FOXP2: variants seen among roughly 807,000 people sequenced by gnomAD.
FOXP2 encodes the protein forkhead box protein P2.
A neutral mutation model predicts 115.8 loss-of-function variants in FOXP2; 12 were observed. The ratio of observed to expected loss-of-function variants is 0.10; its 90% confidence interval spans 0.07 to 0.17. The LOEUF (loss-of-function observed/expected upper bound fraction) is 0.17. Among genes scored for constraint, FOXP2 ranks in the 10% least tolerant of loss-of-function variants. FOXP2 has a pLI of 1.00. For synonymous variants in FOXP2, 328 were observed against 297.7 expected (o/e 1.10, Z -1.05); for missense variants, 629 against 843.5 (o/e 0.75, Z 3.15).
chr7:114,106,653 G>A (rs987191062), intron 1 of FOXP2, among the ~76,000 whole-genome samples: 13 of 151,832 alleles, frequency 8.6e-5, no homozygotes, highest in African/African-American at 1.9e-4. Context: ...TTTAGATGTC[G>A]GATACTGTCT....
chr7:114,488,538 C>A (rs1276785833), intron 2 of FOXP2, among the ~76,000 whole-genome samples: 4 of 152,096 alleles, frequency 2.6e-5, no homozygotes, highest in Non-Finnish European at 5.9e-5. Context: ...AGGATTATAA[C>A]AATATACAAC....
At chr7:114,437,374 T>C (rs1006191989) in intron 2 of FOXP2, among the ~76,000 whole-genome samples, 9 of 152,224 alleles carry the variant, frequency 5.9e-5, no homozygotes, top group Non-Finnish European at 1.2e-4. Flanking sequence ...CAAGTGTACA[T>C]GGAGCAGCGC....
At chr7:114,140,354 A>C (rs1792172209) in intron 1 of FOXP2, among the ~76,000 whole-genome samples, 1 of 152,168 alleles carries the variant, frequency 6.6e-6, no homozygotes, top group Non-Finnish European at 1.5e-5. Context: ...TCTGCCTAGA[A>C]AAAAATGTGT....
intron 1 of FOXP2, among the ~76,000 whole-genome samples, chr7:114,224,704 T>A (rs577890556): frequency 7.6e-4 from 116 of 152,230 alleles, no homozygotes; most frequent in African/African-American, 2.7e-3. Context: ...CCTTTTTTTT[T>A]AAGAGGCTCT....
At chr7:114,509,884 A>C (rs1230839744) in intron 2 of FOXP2, among the ~76,000 whole-genome samples, 1 of 151,800 alleles carries the variant, frequency 6.6e-6, no homozygotes, top group Non-Finnish European at 1.5e-5. Flanking sequence ...ATTAATGAAG[A>C]GTTGAGAGGG....
intron 1 of FOXP2, among the ~76,000 whole-genome samples, chr7:114,267,320 C>T (rs1795918056): frequency 1.3e-5 from 2 of 152,142 alleles, no homozygotes; most frequent in Admixed American, 6.5e-5. Context: ...ATTCAAAGAA[C>T]ATCTTCCATT....
intron 2 of FOXP2, among the ~76,000 whole-genome samples, chr7:114,329,644 TTTTATTTATTTA>T (rs138684494): frequency 0.018 from 2,623 of 147,510 alleles, 43 homozygotes; most frequent in East Asian, 0.046. Flanking sequence ...ACTATGTAAG[TTTTATTTATTTA>T]TTTATTTATT....
intron 1 of FOXP2, among the ~76,000 whole-genome samples, chr7:114,242,207 G>A (rs1795174312): frequency 6.6e-6 from 1 of 151,470 alleles, no homozygotes; most frequent in Non-Finnish European, 1.5e-5. Context: ...TTGGTTTGAA[G>A]GACAGAAGAA....
chr7:114,172,871 G>T (rs980676652), intron 1 of FOXP2, among the ~76,000 whole-genome samples: 7 of 151,870 alleles, frequency 4.6e-5, no homozygotes, highest in Non-Finnish European at 1.0e-4. Flanking sequence ...TAAAAACATA[G>T]AATTTAAAAA....
intron 2 of FOXP2, among the ~76,000 whole-genome samples, chr7:114,330,232 T>A (rs1481694427): frequency 6.6e-6 from 1 of 152,092 alleles, no homozygotes; most frequent in Non-Finnish European, 1.5e-5. Context: ...TATTTATGCA[T>A]CTACTTCTTT....
At chr7:114,234,713 C>G (rs1381703855) in intron 1 of FOXP2, among the ~76,000 whole-genome samples, 2 of 152,182 alleles carry the variant, frequency 1.3e-5, no homozygotes, top group Non-Finnish European at 2.9e-5. Flanking sequence ...TCAACTCTGC[C>G]CTTTATTCGT....
intron 2 of FOXP2, among the ~76,000 whole-genome samples, chr7:114,334,755 A>G (rs1797800450): frequency 1.3e-5 from 2 of 151,302 alleles, no homozygotes; most frequent in South Asian, 2.1e-4. Flanking sequence ...GATTTTTGTC[A>G]ATTAAGATAA....
intron 1 of FOXP2, among the ~76,000 whole-genome samples, chr7:114,421,930 C>A (rs1830199): frequency 0.033 from 5,024 of 151,748 alleles, 250 homozygotes; most frequent in African/African-American, 0.11. Flanking sequence ...AGTTTTAAAT[C>A]ACAGTCAAGT....
chr7:114,610,365 C>T (rs1803563200), intron 3 of FOXP2, among the ~76,000 whole-genome samples: 1 of 152,108 alleles, frequency 6.6e-6, no homozygotes, highest in Non-Finnish European at 1.5e-5. Flanking sequence ...AATAAATTTA[C>T]ATTACTTTTT....
At chr7:114,260,861 C>G (rs538953066) in intron 1 of FOXP2, among the ~76,000 whole-genome samples, 28 of 151,802 alleles carry the variant, frequency 1.8e-4, no homozygotes, top group African/African-American at 6.3e-4. Context: ...AAAATATTCC[C>G]AGGCAATTAA....
chr7:114,167,373 T>C (rs1176802112), intron 1 of FOXP2, among the ~76,000 whole-genome samples: 1 of 152,210 alleles, frequency 6.6e-6, no homozygotes, highest in Non-Finnish European at 1.5e-5. Flanking sequence ...AGGCATATGC[T>C]ATTTTGTGGT....
chr7:114,651,381 TATTACAA>T (rs1262761549), intron 8 of FOXP2, among the ~76,000 whole-genome samples: 1 of 152,046 alleles, frequency 6.6e-6, no homozygotes, highest in Non-Finnish European at 1.5e-5. Context: ...AGACATTATG[TATTACAA>T]ATTACAGAGT....
intron 1 of FOXP2, among the ~76,000 whole-genome samples, chr7:114,124,419 A>G (rs566812363): frequency 6.6e-4 from 101 of 152,168 alleles, no homozygotes; most frequent in African/African-American, 2.4e-3. Flanking sequence ...TTTAAAATTC[A>G]AATTCTTTTT....
chr7:114,496,389 T>C (rs1005766477), intron 2 of FOXP2, among the ~76,000 whole-genome samples: 5 of 152,132 alleles, frequency 3.3e-5, no homozygotes, highest in African/African-American at 1.2e-4. Flanking sequence ...AAAATCTAAT[T>C]AAATTAGACT....
Sources: allele counts gnomAD v4.1 joint callset (sites outside exome capture counted in the v4.1 genomes callset), GRCh38; gene constraint gnomAD v4.1.1; transcripts MANE v1.5; gene names NCBI Gene and HGNC (gene_info 2026-07-23, HGNC 2026-07-21).